Variants in CBR4 observed in about 807,000 individuals in gnomAD.
CBR4 encodes carbonyl reductase 4.
Under a neutral mutation model 21.0 loss-of-function variants are expected in CBR4, and 22 were observed. The ratio of observed to expected loss-of-function variants is 1.05; its 90% confidence interval spans 0.75 to 1.50. CBR4 has a LOEUF of 1.50. CBR4 is among the 40% of genes most tolerant of loss of function. CBR4 has a pLI of 0.00. For synonymous variants in CBR4, 100 were observed against 104.4 expected (o/e 0.96, Z 0.26); for missense variants, 302 against 286.3 (o/e 1.05, Z -0.40).
chr4:168,962,271 TA>T lies in CBR4; in HGVS notation n.169+39799del, dbSNP rs148367394. Among the ~76,000 whole-genome samples, 1,303 of 152,290 alleles carry T rather than the reference TA, an allele frequency of 8.6e-3. 16 individuals carry two copies. The highest frequency in any genetic ancestry group is 0.029 in the African/African-American group (1,223 of 41,554). ...TTATGGAAAATACACAACCATATAT[TA>T]CATTCACAGCAAAGTGTTTTTATAA... is the stretch of plus-strand genomic sequence containing the variant. On this transcript the variant is annotated intron_variant and non_coding_transcript_variant, in intron 2 of 3. Coordinates refer to the CBR4 transcript ENST00000509108.
In CBR4 at chr4:168,909,384, G is replaced by A. The variant is rs1487270571; in HGVS notation, n.170-14619C>T. Among the ~76,000 whole-genome samples, 19 of 151,988 alleles carry A rather than the reference G, an allele frequency of 1.3e-4. No homozygotes were observed. The South Asian group carries it at 3.5e-3, about 28-fold the overall frequency. Reference sequence around the variant, plus strand: ...TTATTTCCATATTACATAAATAATTGGCCTTGCACAAGGTATGAAATAATC... The same window carrying A: ...TTATTTCCATATTACATAAATAATTAGCCTTGCACAAGGTATGAAATAATC... On this transcript the variant is annotated intron_variant and non_coding_transcript_variant, in intron 2 of 3. Coordinates refer to the CBR4 transcript ENST00000509108.
At chr4:169,005,019 A>G (rs1255449295) in intron 3 of CBR4, among the ~76,000 whole-genome samples, 2 of 152,232 alleles carry the variant, frequency 1.3e-5, no homozygotes, top group African/African-American at 4.8e-5. Context: ...TTAAAAAAAG[A>G]AAACATTCCA....
intron 2 of CBR4, among the ~76,000 whole-genome samples, chr4:168,895,889 TA>T (rs1188513155): frequency 1.3e-5 from 2 of 152,194 alleles, no homozygotes; most frequent in African/African-American, 4.8e-5. Context: ...ATAAACTCAT[TA>T]TAAGTTGAAA....
chr4:168,930,540 A>T (rs950462464), intron 2 of CBR4, among the ~76,000 whole-genome samples: 3 of 152,214 alleles, frequency 2.0e-5, no homozygotes, highest in African/African-American at 7.2e-5. Context: ...TGTCAGCAAG[A>T]TGGCTGACTA....
chr4:168,911,799 C>G (rs1271051497), intron 2 of CBR4, among the ~76,000 whole-genome samples: 2 of 152,142 alleles, frequency 1.3e-5, no homozygotes, highest in Non-Finnish European at 2.9e-5. Context: ...TAATGTTAGA[C>G]TTCATGTCTC....
chr4:168,896,403 A>G (rs754967781), intron 2 of CBR4: 14 of 633,540 alleles, frequency 2.2e-5, no homozygotes, highest in Non-Finnish European at 4.0e-5. Context: ...AGTGAGAAGC[A>G]GAATGGTTGT....
chr4:168,949,419 A>T (rs1460972361), intron 2 of CBR4, among the ~76,000 whole-genome samples: 1 of 152,124 alleles, frequency 6.6e-6, no homozygotes, highest in Non-Finnish European at 1.5e-5. Flanking sequence ...AGAAGTGATG[A>T]GAGTGGGCAT....
At chr4:168,929,096 G>A (rs111273522) in intron 2 of CBR4, among the ~76,000 whole-genome samples, 79 of 152,168 alleles carry the variant, frequency 5.2e-4, no homozygotes, top group Admixed American at 1.2e-3. Context: ...GTGCCATGAC[G>A]TACAAGGATA....
intron 4 of CBR4, among the ~76,000 whole-genome samples, chr4:168,994,745 ATTTTTT>A (rs5863973): frequency 2.0e-5 from 1 of 48,784 alleles, no homozygotes; most frequent in African/African-American, 7.6e-5. Flanking sequence ...CGCCTGGCTA[ATTTTTT>A]TTTTTTTTTT....
intron 2 of CBR4, among the ~76,000 whole-genome samples, chr4:168,966,875 G>A (rs13327963): frequency 0.012 from 1,788 of 151,684 alleles, 48 homozygotes; most frequent in African/African-American, 0.04. Context: ...AAAACTAGCC[G>A]GGTGTGGTGG....
intron 2 of CBR4, chr4:168,915,820 G>C (rs996407601): frequency 1.4e-4 from 169 of 1,176,502 alleles, no homozygotes; most frequent in Middle Eastern, 2.0e-4. Context: ...TGTATTTTAA[G>C]AAAACAGATG....
At position 168,989,912 on chromosome 4, in the gene CBR4, G is replaced by T; in HGVS notation, c.*238C>A. 5 of 1,148,186 alleles carry T rather than the reference G, an allele frequency of 4.4e-6. No homozygotes were observed. Among genetic ancestry groups the T allele is most frequent in the Non-Finnish European group, 5.4e-6 (5 of 930,592 alleles). 71.1% of individuals were successfully genotyped at this position (1,148,186 alleles called of 1,614,324 possible). A position where few individuals can be genotyped will look rare whatever the true frequency, so the allele number is the denominator to read the frequency against. On this transcript the variant is annotated 3_prime_UTR_variant, in exon 5 of 5. Coordinates refer to ENST00000306193, the MANE Select transcript of CBR4 (RefSeq NM_032783.5). ...TGTGTGATTATATGGTATGTGAATT[G>T]TATCTCATGAAGGCTTTTTAAACAA...
At chr4:169,004,495 T>A (rs190755060) in intron 3 of CBR4, among the ~76,000 whole-genome samples, 1 of 152,254 alleles carries the variant, frequency 6.6e-6, no homozygotes, top group African/African-American at 2.4e-5. Flanking sequence ...TATTGCTTTA[T>A]CAACTAAGTT....
At chr4:168,978,964 A>G (rs1470863607) in intron 2 of CBR4, among the ~76,000 whole-genome samples, 1 of 151,612 alleles carries the variant, frequency 6.6e-6, no homozygotes, top group Non-Finnish European at 1.5e-5. Context: ...CAGGCCTGCC[A>G]TTTTTGCTGC....
At chr4:168,985,827 T>C (rs1334189956), downstream of CBR4, among the ~76,000 whole-genome samples, 1 of 152,144 alleles carries the variant, frequency 6.6e-6, no homozygotes, top group Non-Finnish European at 1.5e-5. Flanking sequence ...CCTGCATTAA[T>C]TCATTTAGAA....
intron 2 of CBR4, among the ~76,000 whole-genome samples, chr4:168,962,566 G>A (rs1763892787): frequency 6.6e-6 from 1 of 152,138 alleles, no homozygotes; most frequent in Non-Finnish European, 1.5e-5. Context: ...AAGAATTGCT[G>A]GTTGGTAGAG....
rs1330395532 is a variant in CBR4 at position 168,956,008 on chromosome 4, G to A, written n.169+46063C>T. On this transcript the variant is annotated intron_variant and non_coding_transcript_variant, in intron 2 of 3. Transcript: ENST00000509108. The stretch of plus-strand genomic sequence containing the variant: ...AAGTAAGGGGATTAAAGTGTCTGAT[G>A]TATATAAAATACAATCGGCACAGCA... Among the ~76,000 whole-genome samples, 3 of 152,274 alleles carry A rather than the reference G, an allele frequency of 2.0e-5. No individual in the cohort carries two copies. The East Asian group carries it at 5.8e-4, about 29-fold the overall frequency.
intron 2 of CBR4, among the ~76,000 whole-genome samples, chr4:168,955,552 G>T (rs1326187458): frequency 2.0e-5 from 3 of 152,114 alleles, no homozygotes; most frequent in African/African-American, 7.2e-5. Context: ...ATTGCTTTCA[G>T]GTTGTAGCTT....
At chr4:168,928,500 A>ATGTT (rs1178774057) in intron 2 of CBR4, 2 of 169,162 alleles carry the variant, frequency 1.2e-5, no homozygotes, top group Admixed American at 6.4e-5. Context: ...ACTTTGAGTG[A>ATGTT]TGTTTGAGGC....
Sources: allele counts gnomAD v4.1 joint callset (sites outside exome capture counted in the v4.1 genomes callset), GRCh38; gene constraint gnomAD v4.1.1; transcripts MANE v1.5; gene names NCBI Gene and HGNC (gene_info 2026-07-23, HGNC 2026-07-21).